CACNA2D3: variants seen among roughly 807,000 people sequenced by gnomAD.
The protein encoded by CACNA2D3 is calcium voltage-gated channel auxiliary subunit alpha2delta 3, also known as voltage-dependent calcium channel subunit alpha-2/delta-3.
CACNA2D3 carries 60 observed loss-of-function variants against 160.6 expected under a neutral mutation model. The ratio of observed to expected loss-of-function variants is 0.37; its 90% CI spans 0.30 to 0.46. The LOEUF is 0.46. Ranked by LOEUF, CACNA2D3 falls within the 20% of genes least tolerant of loss-of-function variation. The pLI, the probability that CACNA2D3 is intolerant of heterozygous loss-of-function variation, is 1.00. For missense variants in CACNA2D3, 1,205 were observed against 1,365.0 expected, an observed-to-expected ratio of 0.88 and a Z score of 1.85; for synonymous variants, 558 against 492.9, an observed-to-expected ratio of 1.13 and a Z score of -1.75.
At chr3:54,189,715 C>A (rs1700945393) in intron 2 of CACNA2D3, among the ~76,000 whole-genome samples, 1 of 152,116 alleles carries the variant, frequency 6.6e-6, no homozygotes, top group African/African-American at 2.4e-5. Context: ...AGTTCCTTCC[C>A]ACTGGATTGG....
intron 4 of CACNA2D3, among the ~76,000 whole-genome samples, chr3:54,412,996 T>C (rs73087489): frequency 0.099 from 15,012 of 151,906 alleles, 1,027 homozygotes; most frequent in Admixed American, 0.21. Flanking sequence ...CATTCCTTCA[T>C]ATAGAGTTGA....
At chr3:54,836,205 A>G (rs994261015) in intron 14 of CACNA2D3, among the ~76,000 whole-genome samples, 54 of 147,820 alleles carry the variant, frequency 3.7e-4, no homozygotes, top group Non-Finnish European at 7.4e-4. Context: ...CTGTATTTCA[A>G]GGGCCATTCT....
chr3:54,731,434 T>G (rs1701384143), intron 11 of CACNA2D3, among the ~76,000 whole-genome samples: 1 of 152,194 alleles, frequency 6.6e-6, no homozygotes, highest in Non-Finnish European at 1.5e-5. Flanking sequence ...CCAAAAGTTG[T>G]TGATGACCAC....
chr3:54,681,120 A>G (rs937154379), intron 11 of CACNA2D3, among the ~76,000 whole-genome samples: 2 of 149,736 alleles, frequency 1.3e-5, no homozygotes, highest in East Asian at 3.9e-4. Flanking sequence ...TTATCTAAGG[A>G]GAGAGAGAGA....
rs1703162845 is a variant in CACNA2D3 at position 55,009,409 on chromosome 3, C to T, written c.2841C>T (p.Leu947=). The change falls in exon 34 of 38, where the codon CTC becomes CTT. Residue 947 remains leucine (L), a synonymous_variant. Transcript: ENST00000474759. ...ELVLFLVEFN[L]CSWWHSDMTA... is the part of the protein sequence containing the mutation. ...TTAGGTTCCTGGTGGAATTTAACCT[C>T]TGCAGTTGGTGGCACTCCGATATGA... 6.2e-7 allele frequency: 1 copy of T among 1,613,938 alleles called. No individual in the cohort carries two copies. Among genetic ancestry groups the T allele is most frequent in the Non-Finnish European group, 8.5e-7 (1 of 1,179,824 alleles).
At chr3:54,927,915 T>C (rs367743937) in intron 27 of CACNA2D3, 1 of 1,613,732 alleles carries the variant, frequency 6.2e-7, no homozygotes, top group Non-Finnish European at 8.5e-7. Flanking sequence ...CTTTCATGAC[T>C]GAGTCTCCTT....
intron 17 of CACNA2D3, 114 bp from the exon 18 acceptor site, chr3:54,871,425 C>G (rs144676012): frequency 2.8e-6 from 2 of 703,130 alleles, no homozygotes; most frequent in South Asian, 2.0e-5. Flanking sequence ...TCACCCTCAT[C>G]GGTCCACTCC....
intron 35 of CACNA2D3, among the ~76,000 whole-genome samples, chr3:55,026,780 G>T (rs1013161312): frequency 6.6e-6 from 1 of 152,144 alleles, no homozygotes. Flanking sequence ...CTGTCAAAGA[G>T]AACTAGTCCT....
At chr3:54,275,400 A>T (rs1702713137) in intron 2 of CACNA2D3, among the ~76,000 whole-genome samples, 1 of 152,252 alleles carries the variant, frequency 6.6e-6, no homozygotes, top group African/African-American at 2.4e-5. Context: ...ATTCAAGTTC[A>T]AAAACAATAT....
At chr3:54,463,831 G>A (rs1005773122) in intron 4 of CACNA2D3, among the ~76,000 whole-genome samples, 1 of 152,218 alleles carries the variant, frequency 6.6e-6, no homozygotes, top group African/African-American at 2.4e-5. Flanking sequence ...CGTTCTTTTG[G>A]AGGAGGAGAG....
At chr3:54,374,167 G>C (rs1280910204) in intron 3 of CACNA2D3, among the ~76,000 whole-genome samples, 1 of 152,228 alleles carries the variant, frequency 6.6e-6, no homozygotes, top group Non-Finnish European at 1.5e-5. Context: ...GGAAACTGCT[G>C]TCTGAGTTGA....
chr3:54,172,745 A>T (rs1272740395), intron 2 of CACNA2D3, among the ~76,000 whole-genome samples: 1 of 152,090 alleles, frequency 6.6e-6, no homozygotes, highest in Non-Finnish European at 1.5e-5. Context: ...GTTTACAATA[A>T]CTCTTTGCTT....
chr3:54,885,261 C>A lies in CACNA2D3; in HGVS notation c.1913-20C>A. 6.2e-7 allele frequency: 1 copy of A among 1,613,412 alleles called. No individual in the cohort carries two copies. The highest frequency in any genetic ancestry group is 8.5e-7 in the Non-Finnish European group (1 of 1,179,468). ...GGGGGAGTGATACTTATTCATGAAC[C>A]CCTTCTCCTTGACCCCCAGGCCTGC... On this transcript the variant is annotated intron_variant, in intron 21 of 37. Coordinates refer to ENST00000474759, the MANE Select transcript of CACNA2D3 (RefSeq NM_018398.3).
intron 11 of CACNA2D3, among the ~76,000 whole-genome samples, chr3:54,692,850 C>T (rs1299733331): frequency 6.6e-6 from 1 of 152,300 alleles, no homozygotes; most frequent in African/African-American, 2.4e-5. Context: ...CTGTTCAACT[C>T]AAAAGTGGTA....
chr3:54,487,215 A>C (rs1204149355), intron 4 of CACNA2D3, among the ~76,000 whole-genome samples: 2 of 152,052 alleles, frequency 1.3e-5, no homozygotes, highest in African/African-American at 4.8e-5. Flanking sequence ...AAAAATGAAT[A>C]AAATTAGCTG....
Position 55,074,253 on chromosome 3 carries a change from G to C in CACNA2D3, c.*47G>C. 6.8e-7 allele frequency: 1 copy of C among 1,464,372 alleles called. No individual in the cohort carries two copies. The highest frequency in any genetic ancestry group is 9.6e-7 in the Non-Finnish European group (1 of 1,042,874). The allele number at this position is 1,464,372 out of a possible 1,614,324, so 90.7% of individuals were successfully genotyped here. ...ACTGACTGAGATGTTCTCTTGGCAT[G>C]CTAAATCATGGATAAACTGTGAACC... On this transcript the variant is annotated 3_prime_UTR_variant, in exon 38 of 38. Transcript: ENST00000474759.
chr3:54,297,636 C>T (rs548915179), intron 2 of CACNA2D3, among the ~76,000 whole-genome samples: 72 of 150,892 alleles, frequency 4.8e-4, no homozygotes, highest in African/African-American at 1.7e-3. Flanking sequence ...GGACTGAGAC[C>T]TTGGTTCATA....
intron 10 of CACNA2D3, among the ~76,000 whole-genome samples, chr3:54,628,974 G>C (rs1158999175): frequency 2.0e-5 from 3 of 152,104 alleles, no homozygotes; most frequent in Non-Finnish European, 4.4e-5. Flanking sequence ...GCCAGAAAAT[G>C]CCTATCCCCT....
At chr3:54,847,042 T>C (rs551835928) in intron 17 of CACNA2D3, among the ~76,000 whole-genome samples, 1 of 152,244 alleles carries the variant, frequency 6.6e-6, no homozygotes, top group Non-Finnish European at 1.5e-5. Context: ...TGAACTGATA[T>C]GTAAACCACT....
Sources: allele counts gnomAD v4.1 joint callset (sites outside exome capture counted in the v4.1 genomes callset), GRCh38; gene constraint gnomAD v4.1.1; transcripts MANE v1.5; gene names NCBI Gene and HGNC (gene_info 2026-07-23, HGNC 2026-07-21).